Variants in DDX60 observed in about 807,000 individuals in gnomAD.
DDX60 encodes the protein DExD/H-box helicase 60.
A neutral mutation model predicts 212.8 loss-of-function variants in DDX60; 165 were observed. The observed-to-expected ratio is 0.78, with a 90% CI of 0.68 to 0.88. The LOEUF (loss-of-function observed/expected upper bound fraction) is 0.88. DDX60 is among the 40% of genes least tolerant of loss of function. The pLI, the probability that DDX60 is intolerant of heterozygous loss-of-function variation, is 0.00. For synonymous variants in DDX60, 703 were observed against 685.3 expected, an observed-to-expected ratio of 1.03 and a Z score of -0.40; for missense variants, 1,905 against 2,003.9, an observed-to-expected ratio of 0.95 and a Z score of 0.94.
chr4:168,236,116 T>C (rs1049243788), intron 33 of DDX60, 136 bp downstream of exon 33: 11 of 821,802 alleles, frequency 1.3e-5, no homozygotes, highest in Non-Finnish European at 1.8e-5. Flanking sequence ...TCACACTGAT[T>C]ACAAAAAGAA....
intron 26 of DDX60, 49 bp downstream of exon 26, chr4:168,255,662 G>C (rs1431604213): frequency 6.9e-7 from 1 of 1,447,052 alleles, no homozygotes; most frequent in East Asian, 2.4e-5. Context: ...CTAGGACTTG[G>C]GGAGTATTTT....
intron 8 of DDX60, among the ~76,000 whole-genome samples, chr4:168,289,630 T>C (rs964565459): frequency 3.3e-5 from 5 of 152,162 alleles, no homozygotes; most frequent in Admixed American, 2.0e-4. Context: ...GATATCTCCA[T>C]GTGGACATTG....
rs145452270 is a variant in DDX60, at chr4:168,262,106, A to G, written c.3167T>C (p.Ile1056Thr). The part of the protein sequence containing the change: ...RAQELCPENF[I>T]HFNNKLVIKK... ...AATGACTAATTTATTGTTAAAATGA[A>G]TGAAGTTTTCTGGGCACAGTTCCTT... The change falls in exon 24 of 38, where the codon ATT becomes ACT. Residue 1056 changes from isoleucine (I) to threonine (T), a missense_variant. Ile to Thr is a moderately conservative substitution (Grantham distance 89). Transcript: ENST00000393743. 8.2e-6 allele frequency: 13 copies of G among 1,589,280 alleles called. No individual in the cohort carries two copies. In the African/African-American group the frequency reaches 1.6e-4, roughly 20 times the overall value.
At chr4:168,320,201 T>C (rs891804673), upstream of DDX60, among the ~76,000 whole-genome samples, 3 of 152,170 alleles carry the variant, frequency 2.0e-5, no homozygotes, top group Admixed American at 6.5e-5. Context: ...GTAACTTTCA[T>C]AGCAAAAGTA....
At chr4:168,311,143 T>C in intron 2 of DDX60, 76 bp from the exon 3 acceptor site, 1 of 1,430,664 alleles carries the variant, frequency 7.0e-7, no homozygotes, top group Non-Finnish European at 9.7e-7. Flanking sequence ...TATCATTTAG[T>C]TATTATTCAA....
intron 30 of DDX60, among the ~76,000 whole-genome samples, chr4:168,245,895 A>C (rs12499440): frequency 0.058 from 8,824 of 151,968 alleles, 434 homozygotes; most frequent in East Asian, 0.15. Flanking sequence ...ATGCACACCC[A>C]TGCCTAGAAA....
intron 33 of DDX60, among the ~76,000 whole-genome samples, chr4:168,235,654 C>G (rs972548321): frequency 6.6e-6 from 1 of 152,086 alleles, no homozygotes; most frequent in Admixed American, 6.6e-5. Flanking sequence ...CTTGTATAAA[C>G]CAGCATATCC....
chr4:168,272,125 A>G lies in DDX60; in HGVS notation c.2588T>C (p.Val863Ala). 6.3e-7 allele frequency: 1 copy of G among 1,578,028 alleles called. No homozygotes were observed. Among genetic ancestry groups the G allele is most frequent in the Non-Finnish European group, 8.6e-7 (1 of 1,158,876 alleles). ...DALNCQVLIT[V>A]PACFEILLLA... ...CAGCAGAATTTCAAAGCAGGCAGGCACTGTAATAAGTACCTACAAAGAATA... is the reference window on the plus strand; with the variant it reads ...CAGCAGAATTTCAAAGCAGGCAGGCGCTGTAATAAGTACCTACAAAGAATA... Residue 863 changes from valine (V) to alanine (A), a missense_variant, in exon 19 of 38, where the codon GTG (valine) becomes GCG (alanine). By Grantham distance (64) the Val-to-Ala change is moderately conservative. Transcript: ENST00000393743.
At chr4:168,247,696 T>C (rs1176897337) in intron 29 of DDX60, among the ~76,000 whole-genome samples, 2 of 152,150 alleles carry the variant, frequency 1.3e-5, no homozygotes, top group Non-Finnish European at 2.9e-5. Context: ...AGATGGTGGA[T>C]ACAGAAATTG....
chr4:168,281,119 G>A (rs922244455), intron 13 of DDX60, among the ~76,000 whole-genome samples: 19 of 152,172 alleles, frequency 1.2e-4, no homozygotes, highest in African/African-American at 4.1e-4. Context: ...CAGCCTGGGC[G>A]ATGGAGCAGG....
At position 168,308,159 on chromosome 4, in the gene DDX60, T is replaced by C. The variant is rs539030153; in HGVS notation, c.111A>G (p.Glu37=). 3.2e-6 allele frequency: 5 copies of C among 1,586,108 alleles called. No homozygotes were observed. The highest frequency in any genetic ancestry group is 1.4e-5 in the African/African-American group (1 of 73,640). The change falls in exon 4 of 38, where the codon GAA becomes GAG. Residue 37 remains glutamate (E), a synonymous_variant. Coordinates refer to ENST00000393743, the MANE Select transcript of DDX60 (RefSeq NM_017631.6). Reference sequence around the variant, plus strand: ...ATGAATCCCCATCAATCAAAAAAAATTCAGATTCAACAAAATCATTGAATA... The same window carrying C: ...ATGAATCCCCATCAATCAAAAAAAACTCAGATTCAACAAAATCATTGAATA... ...SSLFNDFVES[E]FFLIDGDSLL... is the part of the protein sequence containing the mutation.
In DDX60 at chr4:168,226,965, G is replaced by A. The variant is rs540136975; in HGVS notation, c.4534-1289C>T. Among the ~76,000 whole-genome samples the A allele has an allele frequency of 3.3e-5, 5 of 152,132 alleles. No individual in the cohort carries two copies. The East Asian group carries it at 5.8e-4, about 18-fold the overall frequency. Reference sequence around the variant, plus strand: ...AAAGACTGGTCTCTTCTCAGCCTCCGAAACTGTGACAAGTAAATTTCTGTT... The same window carrying A: ...AAAGACTGGTCTCTTCTCAGCCTCCAAAACTGTGACAAGTAAATTTCTGTT... On this transcript the variant is annotated intron_variant, in intron 33 of 37. Coordinates refer to ENST00000393743, the MANE Select transcript of DDX60 (RefSeq NM_017631.6).
At chr4:168,315,836 TTTGGG>T (rs1486006926) in intron 1 of DDX60, among the ~76,000 whole-genome samples, 12 of 152,200 alleles carry the variant, frequency 7.9e-5, no homozygotes, top group Non-Finnish European at 5.9e-5. Context: ...TTAATGGGTA[TTTGGG>T]TTGGTTCCAA....
At chr4:168,263,314 C>T (rs1195587907) in intron 22 of DDX60, among the ~76,000 whole-genome samples, 3 of 152,178 alleles carry the variant, frequency 2.0e-5, no homozygotes, top group South Asian at 2.1e-4. Context: ...GACAGGTCTG[C>T]TTTAAGTCTT....
intron 8 of DDX60, among the ~76,000 whole-genome samples, chr4:168,290,670 A>C (rs1459056745): frequency 2.6e-5 from 4 of 152,018 alleles, no homozygotes; most frequent in Non-Finnish European, 5.9e-5. Context: ...TTCATTTCTT[A>C]AGAAACACCA....
chr4:168,241,625 T>C (rs191260805), intron 30 of DDX60, among the ~76,000 whole-genome samples: 15 of 152,260 alleles, frequency 9.9e-5, no homozygotes, highest in Non-Finnish European at 1.8e-4. Flanking sequence ...ATTTAGGGTA[T>C]CTTGCAGAAG....
At chr4:168,237,574 T>A (rs1733673522) in intron 31 of DDX60, 117 bp downstream of exon 31, 1 of 1,136,118 alleles carries the variant, frequency 8.8e-7, no homozygotes, top group African/African-American at 1.6e-5. Context: ...TTATACCATT[T>A]ATAAATAATA....
At chr4:168,301,902 C>T (rs1012762364) in intron 6 of DDX60, among the ~76,000 whole-genome samples, 6 of 152,220 alleles carry the variant, frequency 3.9e-5, no homozygotes, top group Non-Finnish European at 7.3e-5. Flanking sequence ...AATTCAGTGA[C>T]ATTCTGGCCA....
At chr4:168,218,956 T>C (rs1732947574) in intron 37 of DDX60, among the ~76,000 whole-genome samples, 1 of 152,102 alleles carries the variant, frequency 6.6e-6, no homozygotes, top group Non-Finnish European at 1.5e-5. Context: ...ACTACACATG[T>C]AAGAATTTTT....
Sources: allele counts gnomAD v4.1 joint callset (sites outside exome capture counted in the v4.1 genomes callset), GRCh38; gene constraint gnomAD v4.1.1; transcripts MANE v1.5; gene names NCBI Gene and HGNC (gene_info 2026-07-23, HGNC 2026-07-21).